FILIP1: variants seen among roughly 807,000 people sequenced by gnomAD.
FILIP1 encodes the protein filamin A interacting protein 1.
A neutral mutation model predicts 102.1 loss-of-function variants in FILIP1; 61 were observed. The observed-to-expected ratio is 0.60, with a 90% confidence interval of 0.49 to 0.74. FILIP1 has a LOEUF of 0.74. Ranked by LOEUF, FILIP1 falls within the 30% of genes least tolerant of loss-of-function variation. FILIP1 has a pLI of 0.00. For synonymous variants in FILIP1, 491 were observed against 526.9 expected, an observed-to-expected ratio of 0.93 and a Z score of 0.93; for missense variants, 1,314 against 1,441.2, an observed-to-expected ratio of 0.91 and a Z score of 1.43.
At chr6:75,467,189 C>T (rs992861467) in intron 1 of FILIP1, among the ~76,000 whole-genome samples, 3 of 152,310 alleles carry the variant, frequency 2.0e-5, no homozygotes, top group African/African-American at 7.2e-5. Flanking sequence ...ACTACTTGCA[C>T]AATAAAATTT....
intron 2 of FILIP1, among the ~76,000 whole-genome samples, chr6:75,380,427 T>C (rs951495595): frequency 1.9e-4 from 29 of 152,132 alleles, no homozygotes; most frequent in African/African-American, 7.0e-4. Flanking sequence ...GAAACAATAA[T>C]GAGATACCAT....
chr6:75,333,481 T>C (rs1444889976), intron 4 of FILIP1, among the ~76,000 whole-genome samples: 1 of 152,232 alleles, frequency 6.6e-6, no homozygotes, highest in Non-Finnish European at 1.5e-5. Context: ...CAGAAGTTCA[T>C]CCAGTCACAT....
chr6:75,379,445 T>C (rs1365386227), intron 2 of FILIP1, among the ~76,000 whole-genome samples: 1 of 152,220 alleles, frequency 6.6e-6, no homozygotes, highest in Non-Finnish European at 1.5e-5. Context: ...AGGTCTATCA[T>C]TGAATTTCAG....
chr6:75,323,145 G>GT (rs1773719690), intron 4 of FILIP1, among the ~76,000 whole-genome samples: 1 of 151,960 alleles, frequency 6.6e-6, no homozygotes, highest in Non-Finnish European at 1.5e-5. Context: ...TTATTAATGT[G>GT]ATTTTTTTTA....
intron 2 of FILIP1, among the ~76,000 whole-genome samples, chr6:75,410,396 A>AT (rs879570066): frequency 2.3e-3 from 336 of 143,576 alleles, no homozygotes; most frequent in African/African-American, 6.2e-3. Flanking sequence ...TTTTTTTGAG[A>AT]TTTTTTTTTT....
chr6:75,378,547 C>A (rs1775811897), intron 2 of FILIP1, among the ~76,000 whole-genome samples: 1 of 152,192 alleles, frequency 6.6e-6, no homozygotes, highest in South Asian at 2.1e-4. Flanking sequence ...CCGAATCTCT[C>A]AGCCTCCTTG....
intron 4 of FILIP1, among the ~76,000 whole-genome samples, chr6:75,330,434 C>T (rs1374743871): frequency 1.3e-5 from 2 of 152,002 alleles, no homozygotes; most frequent in African/African-American, 2.4e-5. Flanking sequence ...AGACCAGCAA[C>T]GTTTTGGAGC....
intron 1 of FILIP1, among the ~76,000 whole-genome samples, chr6:75,464,655 C>A (rs1029418871): frequency 6.6e-6 from 1 of 152,162 alleles, no homozygotes; most frequent in Admixed American, 6.5e-5. Context: ...CTGTTAGTAA[C>A]CCTATTTTAA....
chr6:75,378,909 G>T (rs1775820049), intron 2 of FILIP1, among the ~76,000 whole-genome samples: 1 of 152,054 alleles, frequency 6.6e-6, no homozygotes, highest in African/African-American at 2.4e-5. Flanking sequence ...CATAGGTTTT[G>T]CCACCACCAA....
In FILIP1 at chr6:75,458,818, T is replaced by C. The variant is rs1484340848; in HGVS notation, c.-7+34596A>G. 12 of 152,284 alleles carry C rather than the reference T, an allele frequency of 7.9e-5. No individual in the cohort carries two copies. The East Asian group carries it at 2.3e-3, about 29-fold the overall frequency. The allele number at this position is 152,284 out of a possible 1,614,324, so 9.4% of individuals were successfully genotyped here. ...TACAAAGATAAATTGTTTGAGTCTTTAGGAGAGCCTAACTCCTTATTCAAG... is the reference window on the plus strand; with the variant it reads ...TACAAAGATAAATTGTTTGAGTCTTCAGGAGAGCCTAACTCCTTATTCAAG... On this transcript the variant is annotated intron_variant, in intron 1 of 5. Coordinates refer to ENST00000237172, the MANE Select transcript of FILIP1 (RefSeq NM_015687.5).
intron 1 of FILIP1, among the ~76,000 whole-genome samples, chr6:75,416,048 A>G (rs762874351): frequency 1.2e-4 from 19 of 152,176 alleles, no homozygotes; most frequent in Non-Finnish European, 2.4e-4. Context: ...AAAAACTCAC[A>G]GTATAAATAG....
chr6:75,305,590 T>C (rs563565905), downstream of FILIP1, among the ~76,000 whole-genome samples: 133 of 152,300 alleles, frequency 8.7e-4, no homozygotes, highest in Non-Finnish European at 8.5e-4. Context: ...GACCTAGATA[T>C]ATAGCTCACA....
rs147463745 is a variant in FILIP1, at chr6:75,459,518, G to A, written c.-7+33896C>T. Among the ~76,000 whole-genome samples, 58 of 152,206 alleles carry A rather than the reference G, an allele frequency of 3.8e-4. 1 individual carries two copies. The highest frequency in any genetic ancestry group is 1.3e-3 in the African/African-American group (53 of 41,532). On this transcript the variant is annotated intron_variant, in intron 1 of 5. Coordinates refer to ENST00000237172, the MANE Select transcript of FILIP1 (RefSeq NM_015687.5). ...CTCCTTCCTTCTCAGTCCCTTCAGCGCTATCATCCGATCATTACAAAACTT... is the reference window on the plus strand; with the variant it reads ...CTCCTTCCTTCTCAGTCCCTTCAGCACTATCATCCGATCATTACAAAACTT...
intron 5 of FILIP1, among the ~76,000 whole-genome samples, chr6:75,310,690 A>G (rs1170038766): frequency 6.6e-6 from 1 of 152,240 alleles, no homozygotes; most frequent in Non-Finnish European, 1.5e-5. Context: ...TTTAAGTTAC[A>G]ATGATTTATA....
chr6:75,431,825 G>C (rs1777833141), intron 1 of FILIP1, among the ~76,000 whole-genome samples: 1 of 152,172 alleles, frequency 6.6e-6, no homozygotes, highest in Non-Finnish European at 1.5e-5. Flanking sequence ...AGACTAGTGG[G>C]AGGATAAGGA....
chr6:75,350,915 T>C (rs1021936025), intron 4 of FILIP1, among the ~76,000 whole-genome samples: 1 of 152,192 alleles, frequency 6.6e-6, no homozygotes, highest in African/African-American at 2.4e-5. Flanking sequence ...AAGTTGCAAC[T>C]TTTTTACCTG....
chr6:75,476,056 C>A (rs924721427), intron 1 of FILIP1, among the ~76,000 whole-genome samples: 1 of 152,026 alleles, frequency 6.6e-6, no homozygotes, highest in Non-Finnish European at 1.5e-5. Flanking sequence ...GCCTGGCCAA[C>A]ATGGCAAAAT....
chr6:75,470,939 T>C (rs929232087), intron 1 of FILIP1, among the ~76,000 whole-genome samples: 3 of 151,920 alleles, frequency 2.0e-5, no homozygotes, highest in East Asian at 3.9e-4. Flanking sequence ...GGCAGGCAGA[T>C]TGCTTGAGCC....
chr6:75,471,890 C>T (rs1454147553), intron 1 of FILIP1, among the ~76,000 whole-genome samples: 1 of 152,006 alleles, frequency 6.6e-6, no homozygotes, highest in Non-Finnish European at 1.5e-5. Flanking sequence ...GAAGCATATA[C>T]ATTATATTGT....
Sources: allele counts gnomAD v4.1 joint callset (sites outside exome capture counted in the v4.1 genomes callset), GRCh38; gene constraint gnomAD v4.1.1; transcripts MANE v1.5; gene names NCBI Gene and HGNC (gene_info 2026-07-23, HGNC 2026-07-21).